SEC11C: variants seen among roughly 807,000 people sequenced by gnomAD.
The protein encoded by SEC11C is signal peptidase complex catalytic subunit SEC11C.
A neutral mutation model predicts 21.9 loss-of-function variants in SEC11C; 10 were observed. The ratio of observed to expected loss-of-function variants is 0.46; its 90% CI spans 0.28 to 0.77. SEC11C has a LOEUF of 0.77. Ranked by LOEUF, SEC11C falls within the 30% of genes least tolerant of loss-of-function variation. The pLI is 0.12. For synonymous variants in SEC11C, 83 were observed against 85.6 expected (o/e 0.97, Z 0.17); for missense variants, 145 against 244.5 (o/e 0.59, Z 2.71).
At chr18:59,143,784 A>C (rs1026789008) in intron 1 of SEC11C, among the ~76,000 whole-genome samples, 1 of 151,052 alleles carries the variant, frequency 6.6e-6, no homozygotes, top group African/African-American at 2.4e-5. Context: ...CCCCAACCCA[A>C]CCCGCTTTCT....
chr18:59,149,443 T>G, intron 1 of SEC11C, 70 bp from the exon 2 acceptor site: 1 of 999,832 alleles, frequency 1.0e-6, no homozygotes, highest in Non-Finnish European at 1.6e-6. Context: ...GATAACTGCA[T>G]CTCCAGCTTC....
intron 3 of SEC11C, 180 bp from the exon 4 acceptor site, chr18:59,155,507 AT>A (rs2069408602): frequency 1.9e-6 from 1 of 534,278 alleles, no homozygotes; most frequent in Admixed American, 3.4e-5. Context: ...CTGTCATTAG[AT>A]TTGTGCTTCA....
intron 2 of SEC11C, among the ~76,000 whole-genome samples, chr18:59,151,269 T>C (rs1455189580): frequency 6.6e-6 from 1 of 152,124 alleles, no homozygotes; most frequent in African/African-American, 2.4e-5. Context: ...AGGAATTTTG[T>C]TGAAGGAGTA....
chr18:59,139,944 C>G lies in SEC11C; in HGVS notation c.-5C>G. 1.3e-6 allele frequency: 2 copies of G among 1,570,198 alleles called. No individual in the cohort carries two copies. Among genetic ancestry groups the G allele is most frequent in the East Asian group, 2.4e-5 (1 of 42,388 alleles). On this transcript the variant is annotated 5_prime_UTR_variant, in exon 1 of 6. Transcript: ENST00000587834. ...GCGGGCCGCTAGGTCCCCGGAGACC[C>G]TGCTATGGTGCGTGCGGGCGCCGTG... is the stretch of plus-strand genomic sequence containing the variant.
chr18:59,143,345 T>G, intron 1 of SEC11C, among the ~76,000 whole-genome samples: 1 of 76,920 alleles, frequency 1.3e-5, no homozygotes, highest in Non-Finnish European at 2.1e-5. Context: ...AGAGTGAGAC[T>G]CCATTTCAAA....
chr18:59,158,263 A>C lies in SEC11C; in HGVS notation c.526-369A>C, dbSNP rs112264322. On this transcript the variant is annotated intron_variant, in intron 5 of 5. Transcript: ENST00000587834. ...TAGAGACGGGGTTTTGCCATGTTGCACAGCCTGGTCTCGAACTCCTGACCT... is the reference window on the plus strand; with the variant it reads ...TAGAGACGGGGTTTTGCCATGTTGCCCAGCCTGGTCTCGAACTCCTGACCT... Among the ~76,000 whole-genome samples, 1,132 of 152,182 alleles carry C rather than the reference A, an allele frequency of 7.4e-3. 15 individuals are homozygous for C. The highest frequency in any genetic ancestry group is 0.022 in the African/African-American group (923 of 41,512).
At chr18:59,155,944 G>T (rs1411043915) in intron 4 of SEC11C, 137 bp downstream of exon 4, 1 of 990,814 alleles carries the variant, frequency 1.0e-6, no homozygotes, top group South Asian at 1.5e-5. Context: ...AGTTTATCCT[G>T]TGAAGACTAA....
Position 59,148,618 on chromosome 18 carries a change from CCTTT to C in SEC11C, c.88-894_88-891del, listed in dbSNP as rs538577695. 9.5e-4 allele frequency among the ~76,000 whole-genome samples: 100 copies of C among 105,650 alleles called. 1 individual carries two copies. Among genetic ancestry groups the C allele is most frequent in the Non-Finnish European group, 1.6e-3 (89 of 54,730 alleles). The allele number at this position is 105,650 out of a possible 152,430, so 69.3% of individuals were successfully genotyped here. The stretch of plus-strand genomic sequence containing the variant: ...CTCGTGTGACCCTCCCACCTGTGCT[CCTTT>C]TTTTTTTTTGAGACGGAGTCTCGCT... On this transcript the variant is annotated intron_variant, in intron 1 of 5. Transcript: ENST00000587834.
chr18:59,144,919 T>A (rs987790488), intron 1 of SEC11C, among the ~76,000 whole-genome samples: 2 of 152,320 alleles, frequency 1.3e-5, no homozygotes, highest in African/African-American at 4.8e-5. Context: ...ATTGCTGATT[T>A]GTTTGCACTC....
At chr18:59,144,028 A>G (rs1010413759) in intron 1 of SEC11C, among the ~76,000 whole-genome samples, 9 of 151,780 alleles carry the variant, frequency 5.9e-5, no homozygotes, top group African/African-American at 2.2e-4. Flanking sequence ...TAATTTTTGC[A>G]TCTTTAGTAG....
At chr18:59,151,921 CAT>C (rs1275597050) in intron 2 of SEC11C, among the ~76,000 whole-genome samples, 2 of 152,220 alleles carry the variant, frequency 1.3e-5, no homozygotes, top group African/African-American at 4.8e-5. Flanking sequence ...AAATCGGTAT[CAT>C]GTGGAATTAT....
intron 1 of SEC11C, among the ~76,000 whole-genome samples, chr18:59,142,962 A>G (rs568268398): frequency 1.3e-5 from 2 of 152,328 alleles, no homozygotes; most frequent in Admixed American, 6.5e-5. Flanking sequence ...CACTTTGTCA[A>G]TGTCTGCTTA....
At chr18:59,146,028 C>T (rs532371158) in intron 1 of SEC11C, among the ~76,000 whole-genome samples, 19 of 152,352 alleles carry the variant, frequency 1.2e-4, no homozygotes, top group Admixed American at 1.2e-3. Flanking sequence ...CAGAATGTGT[C>T]TGTCATGAAG....
At position 59,158,758 on chromosome 18, in the gene SEC11C, T is replaced by C. The variant is rs542687799; in HGVS notation, c.*73T>C. On this transcript the variant is annotated 3_prime_UTR_variant, in exon 6 of 6. Transcript: ENST00000587834. ...AAGAGAAAAACTAATATATTTGAGA[T>C]GTTCCATTTTCTGTATAAAAGGGAA... The C allele has an allele frequency of 7.9e-6, 10 of 1,269,442 alleles. 1 individual carries two copies. Among genetic ancestry groups the C allele is most frequent in the Middle Eastern group, 1.9e-4 (1 of 5,336 alleles). 78.6% of individuals were successfully genotyped at this position (1,269,442 alleles called of 1,614,324 possible).
At chr18:59,156,306 T>C (rs1181124370) in intron 4 of SEC11C, 1 of 154,792 alleles carries the variant, frequency 6.5e-6, no homozygotes, top group Non-Finnish European at 1.4e-5. Context: ...TTTCAGGGAA[T>C]GCTGTAGGTA....
intron 2 of SEC11C, 77 bp downstream of exon 2, chr18:59,149,699 T>A: frequency 1.3e-6 from 1 of 763,698 alleles, no homozygotes; most frequent in Non-Finnish European, 2.2e-6. Flanking sequence ...GGGGCAGCCT[T>A]AAGTGAAAAC....
chr18:59,146,841 C>G (rs964592666), intron 1 of SEC11C: 1 of 152,204 alleles, frequency 6.6e-6, no homozygotes, highest in African/African-American at 2.4e-5. Context: ...TTTCACTGCA[C>G]CTCAGAATCA....
At chr18:59,158,607 AT>A in intron 5 of SEC11C, 24 bp from the exon 6 acceptor site, 1 of 1,608,840 alleles carries the variant, frequency 6.2e-7, no homozygotes, top group Non-Finnish European at 8.5e-7. Context: ...CCTCACAGTG[AT>A]TTTCCATTGT....
chr18:59,150,406 C>A (rs1436368325), intron 2 of SEC11C, among the ~76,000 whole-genome samples: 1 of 152,254 alleles, frequency 6.6e-6, no homozygotes, highest in African/African-American at 2.4e-5. Context: ...GTTGCCACCA[C>A]CTCGTGGGGC....
Sources: allele counts gnomAD v4.1 joint callset (sites outside exome capture counted in the v4.1 genomes callset), GRCh38; gene constraint gnomAD v4.1.1; transcripts MANE v1.5; gene names NCBI Gene and HGNC (gene_info 2026-07-23, HGNC 2026-07-21).